HSPG2: variants seen among roughly 807,000 people sequenced by gnomAD.
The protein encoded by HSPG2 is heparan sulfate proteoglycan 2, also known as basement membrane-specific heparan sulfate proteoglycan core protein.
In HSPG2, 278 loss-of-function variants were observed where a neutral mutation model predicts 526.6. The ratio of observed to expected loss-of-function variants is 0.53; its 90% CI spans 0.48 to 0.58. The LOEUF (loss-of-function observed/expected upper bound fraction) is 0.58, where lower values mean the gene tolerates loss of function less well. Ranked by LOEUF, HSPG2 falls within the 20% of genes least tolerant of loss-of-function variation. HSPG2 has a pLI of 0.00. For missense variants in HSPG2, 5,354 were observed against 6,099.5 expected (o/e 0.88, Z 4.07); for synonymous variants, 2,465 against 2,555.4 (o/e 0.96, Z 1.07).
Position 21,872,066 on chromosome 1 carries a change from A to G in HSPG2, c.4221+120T>C. The G allele has an allele frequency of 9.2e-7, 1 of 1,090,878 alleles. No individual in the cohort carries two copies. Among genetic ancestry groups the G allele is most frequent in the Non-Finnish European group, 1.4e-6 (1 of 733,520 alleles). 67.6% of individuals were successfully genotyped at this position (1,090,878 alleles called of 1,614,324 possible). A position where few individuals can be genotyped will look rare whatever the true frequency, so the allele number is the denominator to read the frequency against. On this transcript the variant is annotated intron_variant, in intron 33 of 96. Transcript: ENST00000374695. This position sits in a 1 kb window ranked among gnomAD's most constrained non-coding sequence, Gnocchi z 5.5. The stretch of plus-strand genomic sequence containing the variant: ...AGACCAATGTCTATGGGACTGCAAA[A>G]GCCACGTGCCTAACCACGATATGGC...
At chr1:21,905,377 C>A (rs904902929) in intron 1 of HSPG2, among the ~76,000 whole-genome samples, 1 of 152,202 alleles carries the variant, frequency 6.6e-6, no homozygotes, top group East Asian at 1.9e-4. Flanking sequence ...ACACACCAAG[C>A]CCCCTGCCTG....
intron 1 of HSPG2, among the ~76,000 whole-genome samples, chr1:21,914,342 G>C (rs1461145206): frequency 6.6e-6 from 1 of 152,130 alleles, no homozygotes; most frequent in Non-Finnish European, 1.5e-5. Context: ...ATACTTAGAG[G>C]AAGAGCACCC....
rs779700147 is a variant in HSPG2, at chr1:21,885,137, G to A, written c.1231C>T (p.Pro411Ser). 1 of 1,610,758 alleles carries A rather than the reference G, an allele frequency of 6.2e-7. No homozygotes were observed. The highest frequency in any genetic ancestry group is 1.1e-5 in the South Asian group (1 of 90,860). The part of the protein sequence containing the change: ...FGCMPPQVVT[P>S]PRESIQASRG... Reference sequence around the variant, plus strand: ...GAAGCCTGGATGGACTCCCGGGGAGGTGTCACCACCTGGGGGGGCACTGAG... The same window carrying A: ...GAAGCCTGGATGGACTCCCGGGGAGATGTCACCACCTGGGGGGGCACTGAG... Residue 411 changes from proline to serine, a missense_variant, in exon 11 of 97, where the codon CCT becomes TCT. Coordinates refer to ENST00000374695, the MANE Select transcript of HSPG2 (RefSeq NM_005529.7).
rs771763838 is a variant in HSPG2, at chr1:21,878,161, G to C, written c.2685+25C>G. On this transcript the variant is annotated intron_variant, in intron 21 of 96. Coordinates refer to ENST00000374695, the MANE Select transcript of HSPG2 (RefSeq NM_005529.7). ...TGTGGTGCTGGGCCCAAGGCCCCTG[G>C]GTGGGTGGCAGATGGCACGCGTACC... 23 of 1,608,390 alleles carry C rather than the reference G, an allele frequency of 1.4e-5. No homozygotes were observed. The Admixed American group carries it at 3.7e-4, about 26-fold the overall frequency.
chr1:21,911,710 C>T (rs188093133), intron 1 of HSPG2, among the ~76,000 whole-genome samples: 1 of 152,260 alleles, frequency 6.6e-6, no homozygotes, highest in Non-Finnish European at 1.5e-5. Context: ...CCTGAAGAGG[C>T]TTGCAATTTC....
In HSPG2 at chr1:21,833,481, T is replaced by G. The variant is rs1572162892; in HGVS notation, c.10964A>C (p.His3655Pro). ...TGGTGTCTTACCTGGCACCTGCAGGTGGGCAAAGGCTTTGACCTTGCCCTG... is the reference window on the plus strand; with the variant it reads ...TGGTGTCTTACCTGGCACCTGCAGGGGGGCAAAGGCTTTGACCTTGCCCTG... ...NRQGKVKAFA[H>P]LQVPERVVPY... Residue 3655 changes from histidine to proline, a missense_variant, in exon 79 of 97, where the codon CAC (histidine) becomes CCC (proline). By Grantham distance (77) the His-to-Pro change is moderately conservative. Transcript: ENST00000374695. 6.2e-7 allele frequency: 1 copy of G among 1,614,136 alleles called. No individual in the cohort carries two copies. Among genetic ancestry groups the G allele is most frequent in the Non-Finnish European group, 8.5e-7 (1 of 1,180,012 alleles).
In HSPG2 at chr1:21,829,483, C is replaced by T. The variant is rs746685794; in HGVS notation, c.11892G>A (p.Gly3964=). The change falls in exon 87 of 97, where the codon GGG becomes GGA. Residue 3964 remains glycine (G), a synonymous_variant. Transcript: ENST00000374695. ...TCTTCCCCCCGCTGAACAGCAGGAC[C>T]CCGTCAGGGGCGAGTGGCTTGAACT... ...DVEFKPLAPD[G]VLLFSGGKSG... 2.5e-6 allele frequency: 4 copies of T among 1,613,388 alleles called. No homozygotes were observed. The highest frequency in any genetic ancestry group is 2.2e-5 in the East Asian group (1 of 44,872).
chr1:21,829,498 T>A lies in HSPG2; in HGVS notation c.11877A>T (p.Pro3959=). ...ACAGCAGGACCCCGTCAGGGGCGAG[T>A]GGCTTGAACTCCACGTCCAGGCGTA... ...HELRLDVEFK[P]LAPDGVLLFS... is the part of the protein sequence containing the mutation. Residue 3959 remains proline (P), a synonymous_variant, in exon 87 of 97, where the codon CCA becomes CCT. Coordinates refer to ENST00000374695, the MANE Select transcript of HSPG2 (RefSeq NM_005529.7). 1 of 1,612,850 alleles carries A rather than the reference T, an allele frequency of 6.2e-7. No homozygotes were observed. Among genetic ancestry groups the A allele is most frequent in the Non-Finnish European group, 8.5e-7 (1 of 1,179,760 alleles).
chr1:21,831,932 C>T (rs189861206), intron 81 of HSPG2, 136 bp from the exon 82 acceptor site: 837 of 911,780 alleles, frequency 9.2e-4, no homozygotes, highest in African/African-American at 3.4e-3. Context: ...GGGCTGTTCC[C>T]GTTCCTGTCC....
intron 33 of HSPG2, chr1:21,870,112 G>C (rs1640532793): frequency 2.6e-6 from 1 of 381,918 alleles, no homozygotes; most frequent in African/African-American, 2.2e-5. Context: ...AAATGGCCCA[G>C]GAAAGCTGGA....
chr1:21,845,022 C>A (rs959946969), intron 64 of HSPG2, among the ~76,000 whole-genome samples: 1 of 152,094 alleles, frequency 6.6e-6, no homozygotes, highest in African/African-American at 2.4e-5. Flanking sequence ...CCGGGCTGGG[C>A]GGATCATGAG....
intron 1 of HSPG2, among the ~76,000 whole-genome samples, chr1:21,899,967 T>A (rs1385534518): frequency 6.6e-6 from 1 of 152,208 alleles, no homozygotes; most frequent in Admixed American, 6.5e-5. Flanking sequence ...AATGGCCCCA[T>A]GGGATGCCTG....
intron 17 of HSPG2, among the ~76,000 whole-genome samples, chr1:21,879,628 T>C (rs1348654404): frequency 6.7e-6 from 1 of 149,594 alleles, no homozygotes; most frequent in African/African-American, 2.5e-5. Flanking sequence ...GGCCAACACC[T>C]CCCTTGTCTG....
Position 21,887,808 on chromosome 1 carries a change from A to G in HSPG2, c.703+130T>C, listed in dbSNP as rs1572369684. ...CCACCCCCTGCCTGGCTCTGTCATC[A>G]CCCTTCCTATGCCCCCATCCTCTGC... On this transcript the variant is annotated intron_variant, in intron 7 of 96. Coordinates refer to ENST00000374695, the MANE Select transcript of HSPG2 (RefSeq NM_005529.7). The surrounding 1 kb of genome is among the most constrained non-coding windows in gnomAD (Gnocchi z 5.0). 1 of 1,563,548 alleles carries G rather than the reference A, an allele frequency of 6.4e-7. No homozygotes were observed. The highest frequency in any genetic ancestry group is 8.8e-7 in the Non-Finnish European group (1 of 1,139,858).
chr1:21,875,971 G>A lies in HSPG2; in HGVS notation c.3075C>T (p.His1025=), dbSNP rs1450941028. ...CTTGCAGCACCACCAACGGCTGCCC[G>A]TGCAGGGGTGTGGAGCCCGGCTGGG... ...QRSQPGSTPL[H]GQPLVVLQGN... is the part of the protein sequence containing the mutation. The change falls in exon 24 of 97, where the codon CAC becomes CAT. Residue 1025 remains histidine, a synonymous_variant. Coordinates refer to ENST00000374695, the MANE Select transcript of HSPG2 (RefSeq NM_005529.7). 5 of 1,614,092 alleles carry A rather than the reference G, an allele frequency of 3.1e-6. No homozygotes were observed. Among genetic ancestry groups the A allele is most frequent in the East Asian group, 4.5e-5 (2 of 44,904 alleles).
intron 64 of HSPG2, among the ~76,000 whole-genome samples, 161 bp from the exon 65 acceptor site, chr1:21,844,460 G>A (rs868719073): frequency 2.0e-5 from 3 of 152,212 alleles, no homozygotes; most frequent in African/African-American, 7.2e-5. Flanking sequence ...CTGGGAGGTG[G>A]AGGCACTTCT....
rs2228347 is a variant in HSPG2, at chr1:21,828,352, A to G, written c.12312T>C (p.Asp4104=). The G allele has an allele frequency of 0.31, 494,791 of 1,613,522 alleles. 79,531 individuals carry two copies. Among genetic ancestry groups the G allele is most frequent in the South Asian group, 0.47 (43,189 of 91,082 alleles). Residue 4104 remains aspartate (D), a synonymous_variant, in exon 89 of 97, where the codon GAT becomes GAC. Coordinates refer to ENST00000374695, the MANE Select transcript of HSPG2 (RefSeq NM_005529.7). The surrounding 1 kb of genome is among the most constrained non-coding windows in gnomAD (Gnocchi z 6.0). ...LGSQGIGQCY[D]SSPCERQPCQ... ...AAGGCTGGCGCTCACATGGGGAGCTATCATAGCATTGCCCGATGCCCTGGC... is the reference window on the plus strand; with the variant it reads ...AAGGCTGGCGCTCACATGGGGAGCTGTCATAGCATTGCCCGATGCCCTGGC...
rs1416947972 is a variant in HSPG2, at chr1:21,831,487, C to T, written c.11428G>A (p.Ala3810Thr). 1 of 1,614,082 alleles carries T rather than the reference C, an allele frequency of 6.2e-7. No individual in the cohort carries two copies. Among genetic ancestry groups the T allele is most frequent in the South Asian group, 1.1e-5 (1 of 91,082 alleles). Residue 3810 changes from alanine to threonine, a missense_variant, in exon 83 of 97, where the codon GCG becomes ACG. Transcript: ENST00000374695. ...GYPDYGAIPK[A>T]GLSSGFIGCV... ...CCTATGAAGCCGCTGCTCAGCCCCG[C>T]CTTGGGGATGGCACCATAGTCAGGA...
chr1:21,830,750 T>C (rs1198057088), intron 85 of HSPG2: 5 of 283,198 alleles, frequency 1.8e-5, no homozygotes, highest in Non-Finnish European at 2.4e-5. Context: ...GGTGGCGGGG[T>C]AGTGGTAAGA....
Sources: gnomAD v4.1 joint callset for allele counts (sites outside exome capture counted in the v4.1 genomes callset) on GRCh38, gnomAD v4.1.1 for gene constraint, Gnocchi (gnomAD v3.1) non-coding constraint, MANE v1.5 for transcripts, NCBI Gene and HGNC (gene_info 2026-07-23, HGNC 2026-07-21) for gene names.